Variants in KCNG3 observed in about 807,000 individuals in gnomAD.
The protein encoded by KCNG3 is potassium voltage-gated channel modifier subfamily G member 3.
KCNG3 carries 15 observed loss-of-function variants against 29.0 expected under a neutral mutation model. The ratio of observed to expected loss-of-function variants is 0.52; its 90% CI spans 0.35 to 0.80. The LOEUF is 0.80. Among genes scored for constraint, KCNG3 ranks in the 30% least tolerant of loss-of-function variants. The pLI, the probability that KCNG3 is intolerant of heterozygous loss-of-function variation, is 0.01. For missense variants in KCNG3, 512 were observed against 605.7 expected, an observed-to-expected ratio of 0.85 and a Z score of 1.62; for synonymous variants, 322 against 248.9, an observed-to-expected ratio of 1.29 and a Z score of -2.76.
intron 1 of KCNG3, among the ~76,000 whole-genome samples, chr2:42,453,021 A>G (rs1672801253): frequency 6.6e-6 from 1 of 152,226 alleles, no homozygotes. Context: ...ACCTCAGGCA[A>G]TCTGCCTGCC....
At chr2:42,423,769 G>A in the KCNG3 span, among the ~76,000 whole-genome samples, 1 of 150,632 alleles carries the variant, frequency 6.6e-6, no homozygotes, top group Non-Finnish European at 1.5e-5. Flanking sequence ...CACATATGTG[G>A]CTAGAGCCTC....
At chr2:42,479,190 G>C (rs551010728) in intron 1 of KCNG3, among the ~76,000 whole-genome samples, 1 of 152,160 alleles carries the variant, frequency 6.6e-6, no homozygotes, top group East Asian at 1.9e-4. Flanking sequence ...CCAGATTTAC[G>C]AAGTCAGACT....
chr2:42,416,908 T>C, the KCNG3 span, among the ~76,000 whole-genome samples: 1 of 151,772 alleles, frequency 6.6e-6, no homozygotes, highest in Non-Finnish European at 1.5e-5. Context: ...AATGCATACA[T>C]GAATCAAAAC....
At chr2:42,420,697 G>A in the KCNG3 span, among the ~76,000 whole-genome samples, 1 of 152,020 alleles carries the variant, frequency 6.6e-6, no homozygotes, top group Non-Finnish European at 1.5e-5. Context: ...GCTGAGGCAG[G>A]GAGAATCACT....
the KCNG3 span, among the ~76,000 whole-genome samples, chr2:42,395,516 GTTTAC>G: frequency 3.3e-5 from 5 of 152,088 alleles, no homozygotes; most frequent in Admixed American, 2.0e-4. Context: ...TTACTGTATT[GTTTAC>G]TTTGGTAGAT....
At chr2:42,488,025 T>G (rs1474648985) in intron 1 of KCNG3, among the ~76,000 whole-genome samples, 1 of 152,198 alleles carries the variant, frequency 6.6e-6, no homozygotes, top group African/African-American at 2.4e-5. Flanking sequence ...ATATATAATG[T>G]ACTTACAAAT....
At chr2:42,477,121 G>A (rs1005258435) in intron 1 of KCNG3, among the ~76,000 whole-genome samples, 3 of 150,460 alleles carry the variant, frequency 2.0e-5, no homozygotes, top group Non-Finnish European at 4.4e-5. Context: ...GAACCCGGGA[G>A]GCGGAGGTTG....
At chr2:42,477,267 TAC>T (rs1293033137) in intron 1 of KCNG3, among the ~76,000 whole-genome samples, 4 of 149,400 alleles carry the variant, frequency 2.7e-5, no homozygotes, top group African/African-American at 9.9e-5. Context: ...GACTGCTAAA[TAC>T]ACTAGTTACT....
chr2:42,439,708 G>A (rs1383755264), downstream of KCNG3, among the ~76,000 whole-genome samples: 2 of 151,108 alleles, frequency 1.3e-5, no homozygotes, highest in African/African-American at 2.4e-5. Flanking sequence ...GTGCAAAGGC[G>A]CGATCTCGGC....
At chr2:42,395,209 C>T in the KCNG3 span, among the ~76,000 whole-genome samples, 2 of 152,296 alleles carry the variant, frequency 1.3e-5, no homozygotes, top group Admixed American at 6.5e-5. Context: ...GAGGAGACAA[C>T]AGCAATGTTC....
chr2:42,476,009 T>C (rs1400253029), intron 1 of KCNG3, among the ~76,000 whole-genome samples: 1 of 152,180 alleles, frequency 6.6e-6, no homozygotes, highest in Non-Finnish European at 1.5e-5. Context: ...GAGGTTGCAG[T>C]GAGCCAAGAT....
intron 1 of KCNG3, among the ~76,000 whole-genome samples, chr2:42,464,413 G>A (rs368378098): frequency 6.6e-6 from 1 of 152,150 alleles, no homozygotes; most frequent in African/African-American, 2.4e-5. Context: ...AAAGTATCTA[G>A]ACTATAAGGT....
chr2:42,392,569 T>C, the KCNG3 span, among the ~76,000 whole-genome samples: 1 of 152,106 alleles, frequency 6.6e-6, no homozygotes, highest in Non-Finnish European at 1.5e-5. Flanking sequence ...ACAACAATTA[T>C]GGCCAAAGAG....
intron 1 of KCNG3, among the ~76,000 whole-genome samples, chr2:42,451,076 G>A (rs563509924): frequency 1.3e-5 from 2 of 151,170 alleles, no homozygotes; most frequent in South Asian, 4.2e-4. Flanking sequence ...ATGGTGGCAG[G>A]CGCCTGTAAT....
At chr2:42,425,827 C>T in the KCNG3 span, among the ~76,000 whole-genome samples, 2 of 152,198 alleles carry the variant, frequency 1.3e-5, no homozygotes, top group Admixed American at 1.3e-4. Context: ...AGCCAGGAGA[C>T]ACCTTTGTGC....
chr2:42,477,048 C>G (rs897067956), intron 1 of KCNG3, among the ~76,000 whole-genome samples: 1 of 150,144 alleles, frequency 6.7e-6, no homozygotes, highest in Non-Finnish European at 1.5e-5. Flanking sequence ...AAAAATTAGC[C>G]GGGCGTGGTG....
chr2:42,428,823 A>G, the KCNG3 span, among the ~76,000 whole-genome samples: 7 of 152,184 alleles, frequency 4.6e-5, no homozygotes, highest in African/African-American at 1.7e-4. Context: ...TGATTCCTAC[A>G]GAAACAGGCA....
the KCNG3 span, among the ~76,000 whole-genome samples, chr2:42,431,254 A>C: frequency 6.6e-6 from 1 of 152,136 alleles, no homozygotes; most frequent in African/African-American, 2.4e-5. Flanking sequence ...GCTGTTATGA[A>C]TAGTACTGAA....
chr2:42,404,547 G>A, the KCNG3 span, among the ~76,000 whole-genome samples: 5 of 152,044 alleles, frequency 3.3e-5, no homozygotes, highest in African/African-American at 1.2e-4. Context: ...TGGGCAACAT[G>A]GCGAAACCCC....
Sources: allele counts gnomAD v4.1 joint callset (sites outside exome capture counted in the v4.1 genomes callset), GRCh38; gene constraint gnomAD v4.1.1; transcripts MANE v1.5; gene names NCBI Gene and HGNC (gene_info 2026-07-23, HGNC 2026-07-21).